XKR4: variants seen among roughly 807,000 people sequenced by gnomAD.
XKR4 encodes the protein XK related 4.
XKR4 carries 12 observed loss-of-function variants against 53.9 expected under a neutral mutation model. That is an observed-to-expected ratio of 0.22 (90% CI 0.14 to 0.36). The LOEUF (loss-of-function observed/expected upper bound fraction) is 0.36. Ranked by LOEUF, XKR4 falls within the 10% of genes least tolerant of loss-of-function variation. The pLI, the probability that XKR4 is intolerant of heterozygous loss-of-function variation, is 1.00. For missense variants in XKR4, 799 were observed against 859.5 expected, an observed-to-expected ratio of 0.93 and a Z score of 0.88; for synonymous variants, 354 against 362.4, an observed-to-expected ratio of 0.98 and a Z score of 0.26.
At chr8:55,394,317 A>C (rs531008406) in intron 2 of XKR4, among the ~76,000 whole-genome samples, 1 of 152,332 alleles carries the variant, frequency 6.6e-6, no homozygotes, top group Admixed American at 6.5e-5. Flanking sequence ...GTATGTAGTC[A>C]TCTGAGTAAC....
In XKR4 at chr8:55,442,490, G is replaced by A. The variant is rs956742998; in HGVS notation, c.1007-80791G>A. 3.9e-5 allele frequency among the ~76,000 whole-genome samples: 6 copies of A among 152,244 alleles called. 1 individual carries two copies. The South Asian group carries it at 1.0e-3, about 26-fold the overall frequency. On this transcript the variant is annotated intron_variant, in intron 2 of 2. Coordinates refer to ENST00000327381, the MANE Select transcript of XKR4 (RefSeq NM_052898.2). ...CCAGCAATCCCATTCCTAGATATAC[G>A]CCCAAGAGATTTGAACACATACGTT...
intron 2 of XKR4, among the ~76,000 whole-genome samples, chr8:55,421,408 G>A (rs1439748800): frequency 6.6e-6 from 1 of 152,178 alleles, no homozygotes; most frequent in African/African-American, 2.4e-5. Context: ...AAAGAAACTG[G>A]ATCCAACCAA....
At position 55,207,847 on chromosome 8, in the gene XKR4, T is replaced by C. The variant is rs1006352472; in HGVS notation, c.806+104553T>C. On this transcript the variant is annotated intron_variant, in intron 1 of 2. Transcript: ENST00000327381. ...GAAACCAGAGAGGTTGATTTTAGGG[T>C]GTCTAGACCTCACCTCCAGCACGTT... Among the ~76,000 whole-genome samples the C allele has an allele frequency of 1.9e-4, 29 of 152,076 alleles. No homozygotes were observed. The East Asian group carries it at 1.9e-3, about 10-fold the overall frequency.
At chr8:55,418,729 C>A (rs1350850919) in intron 2 of XKR4, among the ~76,000 whole-genome samples, 5 of 152,182 alleles carry the variant, frequency 3.3e-5, no homozygotes, top group African/African-American at 4.8e-5. Context: ...TTCAGTGAGG[C>A]ACAGGCTCAG....
chr8:55,440,996 T>C (rs898563204), intron 2 of XKR4, among the ~76,000 whole-genome samples: 2 of 151,656 alleles, frequency 1.3e-5, no homozygotes, highest in African/African-American at 4.8e-5. Flanking sequence ...GGAAGATTGC[T>C]TGAGCCCAGA....
At chr8:55,437,356 G>T (rs1250107924) in intron 2 of XKR4, among the ~76,000 whole-genome samples, 3 of 152,018 alleles carry the variant, frequency 2.0e-5, no homozygotes, top group Non-Finnish European at 4.4e-5. Flanking sequence ...AAGGGAGGAG[G>T]TTTCTACCCC....
At chr8:55,244,963 G>A (rs1009641726) in intron 1 of XKR4, among the ~76,000 whole-genome samples, 9 of 148,084 alleles carry the variant, frequency 6.1e-5, no homozygotes, top group Admixed American at 1.4e-4. Flanking sequence ...GTGTAATAGC[G>A]CGATCTTGGC....
intron 1 of XKR4, among the ~76,000 whole-genome samples, chr8:55,231,932 A>G (rs1020931092): frequency 6.6e-6 from 1 of 152,286 alleles, no homozygotes; most frequent in South Asian, 2.1e-4. Context: ...TCATGTGCAC[A>G]TTTCCCACCT....
At chr8:55,452,573 C>T in intron 2 of XKR4, 1 of 824,502 alleles carries the variant, frequency 1.2e-6, no homozygotes, top group Non-Finnish European at 2.1e-6. Flanking sequence ...GCCTCCGGTT[C>T]TCCCGCTGCA....
At chr8:55,290,255 G>A (rs1037642188) in intron 1 of XKR4, among the ~76,000 whole-genome samples, 1 of 151,468 alleles carries the variant, frequency 6.6e-6, no homozygotes, top group Non-Finnish European at 1.5e-5. Context: ...TCAGCCTCCG[G>A]AGTAGCTGGG....
chr8:55,149,390 C>T lies in XKR4; in HGVS notation c.806+46096C>T, dbSNP rs575014561. Among the ~76,000 whole-genome samples the T allele has an allele frequency of 3.3e-5, 5 of 151,818 alleles. No homozygotes were observed. The East Asian group carries it at 5.8e-4, about 18-fold the overall frequency. Reference sequence around the variant, plus strand: ...GACGTAGGAGAATCTGAAGGGAGGTCGGGGTGGGGACAGGAGCAGGAGATG... The same window carrying T: ...GACGTAGGAGAATCTGAAGGGAGGTTGGGGTGGGGACAGGAGCAGGAGATG... On this transcript the variant is annotated intron_variant, in intron 1 of 2. Coordinates refer to ENST00000327381, the MANE Select transcript of XKR4 (RefSeq NM_052898.2).
chr8:55,187,075 G>C (rs1338260543), intron 1 of XKR4, among the ~76,000 whole-genome samples: 1 of 152,034 alleles, frequency 6.6e-6, no homozygotes, highest in Non-Finnish European at 1.5e-5. Context: ...GTCATGCACA[G>C]TTTAGTACAG....
At chr8:55,228,192 G>A (rs1039010701) in intron 1 of XKR4, among the ~76,000 whole-genome samples, 4 of 152,262 alleles carry the variant, frequency 2.6e-5, no homozygotes, top group East Asian at 3.9e-4. Flanking sequence ...GATTACAAGC[G>A]TGAGCCAGTG....
chr8:55,121,693 A>G (rs963789309), intron 1 of XKR4, among the ~76,000 whole-genome samples: 2 of 152,208 alleles, frequency 1.3e-5, no homozygotes, highest in Non-Finnish European at 2.9e-5. Flanking sequence ...CTATTGGAAC[A>G]AAACTTGTCT....
intron 2 of XKR4, among the ~76,000 whole-genome samples, chr8:55,460,291 G>A (rs752885716): frequency 1.5e-4 from 23 of 152,202 alleles, no homozygotes; most frequent in Non-Finnish European, 1.2e-4. Context: ...AGAATTGACT[G>A]CAAACAGGCA....
intron 2 of XKR4, among the ~76,000 whole-genome samples, chr8:55,509,022 A>G (rs1268179661): frequency 6.6e-6 from 1 of 152,232 alleles, no homozygotes; most frequent in East Asian, 1.9e-4. Context: ...ATGTCAATGT[A>G]TACTATTTAA....
intron 1 of XKR4, among the ~76,000 whole-genome samples, chr8:55,337,766 G>A (rs1803483212): frequency 6.6e-6 from 1 of 152,096 alleles, no homozygotes; most frequent in Non-Finnish European, 1.5e-5. Context: ...TAGAATAAAG[G>A]CTTTTTAAAG....
At chr8:55,508,996 G>C (rs1051723476) in intron 2 of XKR4, among the ~76,000 whole-genome samples, 4 of 152,124 alleles carry the variant, frequency 2.6e-5, no homozygotes. Context: ...TTTGGAACTG[G>C]AGATGAAATA....
intron 1 of XKR4, among the ~76,000 whole-genome samples, chr8:55,295,054 AT>A (rs1819082807): frequency 6.6e-6 from 1 of 152,226 alleles, no homozygotes; most frequent in Non-Finnish European, 1.5e-5. Flanking sequence ...CATGATAAAA[AT>A]AATCTACAAA....
Sources: gnomAD v4.1 joint callset for allele counts (sites outside exome capture counted in the v4.1 genomes callset) on GRCh38, gnomAD v4.1.1 for gene constraint, MANE v1.5 for transcripts, NCBI Gene and HGNC (gene_info 2026-07-23, HGNC 2026-07-21) for gene names.